AOPEP: variants seen among roughly 807,000 people sequenced by gnomAD.
AOPEP encodes aminopeptidase O (putative).
In AOPEP, 77 loss-of-function variants were observed where a neutral mutation model predicts 98.1. The ratio of observed to expected loss-of-function variants is 0.78; its 90% CI spans 0.65 to 0.95. The LOEUF (loss-of-function observed/expected upper bound fraction) is 0.95. Among genes scored for constraint, AOPEP ranks in the 40% least tolerant of loss-of-function variants. The pLI is 0.00. For missense variants in AOPEP, 1,024 were observed against 1,024.7 expected, an observed-to-expected ratio of 1.00 and a Z score of 0.01; for synonymous variants, 346 against 365.3, an observed-to-expected ratio of 0.95 and a Z score of 0.60.
chr9:95,059,394 T>C (rs1294947944), intron 13 of AOPEP, among the ~76,000 whole-genome samples: 1 of 152,176 alleles, frequency 6.6e-6, no homozygotes, highest in Non-Finnish European at 1.5e-5. Context: ...AGTGGGGGCT[T>C]TCTTAGAACT....
chr9:94,797,222 G>A (rs1360539443), intron 4 of AOPEP, among the ~76,000 whole-genome samples: 1 of 152,044 alleles, frequency 6.6e-6, no homozygotes, highest in Non-Finnish European at 1.5e-5. Flanking sequence ...TCACGAGGTC[G>A]GGAGATCGAG....
At chr9:95,099,463 T>C in the AOPEP span, 4 of 224,572 alleles carry the variant, frequency 1.8e-5, no homozygotes, top group Non-Finnish European at 3.5e-5. Context: ...TCGGATGCCA[T>C]TCCTTCCCGG....
chr9:95,042,543 A>G (rs1437645540), intron 13 of AOPEP, among the ~76,000 whole-genome samples: 2 of 152,152 alleles, frequency 1.3e-5, no homozygotes, highest in African/African-American at 2.4e-5. Context: ...CAGAAGTCCA[A>G]CATCAGCCTT....
intron 5 of AOPEP, among the ~76,000 whole-genome samples, chr9:94,827,617 G>A (rs1275127293): frequency 6.6e-6 from 1 of 152,122 alleles, no homozygotes; most frequent in Non-Finnish European, 1.5e-5. Flanking sequence ...CTGTTTAGAG[G>A]CTCCTACCGC....
At chr9:95,110,335 G>A in the AOPEP span, 3 of 1,017,352 alleles carry the variant, frequency 2.9e-6, no homozygotes, top group East Asian at 6.7e-5. Flanking sequence ...AGCTTATTCA[G>A]AATCAAATAA....
intron 5 of AOPEP, among the ~76,000 whole-genome samples, chr9:94,901,911 A>G (rs1447668206): frequency 2.6e-5 from 4 of 152,254 alleles, no homozygotes; most frequent in Admixed American, 2.6e-4. Context: ...TGTGTCTCAA[A>G]AAAAAAGAAA....
chr9:95,103,797 G>A, the AOPEP span, among the ~76,000 whole-genome samples: 1 of 152,378 alleles, frequency 6.6e-6, no homozygotes, highest in East Asian at 1.9e-4. Flanking sequence ...AGGCCACACA[G>A]GAGGCAGGCT....
chr9:95,009,289 T>G (rs965128438), intron 13 of AOPEP, among the ~76,000 whole-genome samples: 17 of 18,890 alleles, frequency 9.0e-4, no homozygotes, highest in African/African-American at 3.3e-3. Flanking sequence ...TTTATAAATA[T>G]ATACATATAA....
intron 5 of AOPEP, among the ~76,000 whole-genome samples, chr9:94,898,648 GA>G (rs71366269): frequency 0.86 from 115,893 of 134,860 alleles, 50,267 homozygotes; most frequent in Middle Eastern, 0.95. Flanking sequence ...AAAATAAAAT[GA>G]AAAAAAAAAA....
rs916209575 is a variant in AOPEP, at chr9:95,086,658, A to G, written c.*5-24A>G. 4.7e-5 allele frequency: 46 copies of G among 988,240 alleles called. No individual in the cohort carries two copies. The South Asian group carries it at 4.7e-4, about 10-fold the overall frequency. 61.2% of individuals were successfully genotyped at this position (988,240 alleles called of 1,614,324 possible). On this transcript the variant is annotated intron_variant, in intron 16 of 16. Coordinates refer to ENST00000375315, the MANE Select transcript of AOPEP (RefSeq NM_001193329.3). The stretch of plus-strand genomic sequence containing the variant: ...ATTCCTCCCGGTGACTGGGTAATCA[A>G]TGTTACTGCTGTTTCCTTTGCAGGA...
chr9:95,038,100 G>T (rs1442434497), intron 13 of AOPEP, among the ~76,000 whole-genome samples: 2 of 152,206 alleles, frequency 1.3e-5, no homozygotes, highest in Non-Finnish European at 2.9e-5. Context: ...AAAGTTATAT[G>T]TACTGTCCTG....
chr9:94,873,260 G>T (rs2046553752), intron 5 of AOPEP, among the ~76,000 whole-genome samples: 1 of 152,220 alleles, frequency 6.6e-6, no homozygotes, highest in Admixed American at 6.5e-5. Flanking sequence ...AAATTTAGGA[G>T]AAACCTCCCA....
chr9:94,970,173 G>A (rs1182541378), intron 10 of AOPEP, among the ~76,000 whole-genome samples: 2 of 152,112 alleles, frequency 1.3e-5, no homozygotes, highest in Non-Finnish European at 2.9e-5. Context: ...TTGTTAGTCA[G>A]GTTTTTCAAT....
intron 5 of AOPEP, among the ~76,000 whole-genome samples, chr9:94,851,124 C>T (rs1320403017): frequency 6.6e-6 from 1 of 152,208 alleles, no homozygotes; most frequent in Non-Finnish European, 1.5e-5. Flanking sequence ...GCCTTTCATT[C>T]TGTGAGAGGA....
In AOPEP at chr9:94,759,795, G is replaced by T. The variant is rs200850983; in HGVS notation, c.12G>T (p.Gln4His). Residue 4 changes from glutamine to histidine, a missense_variant, in exon 2 of 17, where the codon CAG (glutamine) becomes CAT (histidine). By Grantham distance (24) the Gln-to-His change is conservative. Around this residue, in one of 3 missense-constraint regions of AOPEP, gnomAD observed 440 missense variants for 433.8 expected, o/e 1.01. Transcript: ENST00000375315. Reference sequence around the variant, plus strand: ...CAATAAACCACATCATGGACATACAGCTGGACCCTGCCAGAGATGACCTGC... The same window carrying T: ...CAATAAACCACATCATGGACATACATCTGGACCCTGCCAGAGATGACCTGC... MDI[Q>H]LDPARDDLPL... 3.0e-5 allele frequency: 49 copies of T among 1,613,804 alleles called. No individual in the cohort carries two copies. Among genetic ancestry groups the T allele is most frequent in the Non-Finnish European group, 1.7e-6 (2 of 1,179,908 alleles).
chr9:94,916,707 A>T (rs10993395), intron 5 of AOPEP, among the ~76,000 whole-genome samples: 7,506 of 147,194 alleles, frequency 0.051, 254 homozygotes, highest in South Asian at 0.11. Flanking sequence ...AAAAAAAAAA[A>T]AATTAAATAA....
chr9:94,728,030 A>G (rs12352276), intron 1 of AOPEP, among the ~76,000 whole-genome samples: 33,125 of 152,140 alleles, frequency 0.22, 5,075 homozygotes, highest in African/African-American at 0.43. Flanking sequence ...GTCTGAATAT[A>G]ACTTCAAAGC....
chr9:94,994,298 T>C (rs2061084281), intron 11 of AOPEP, among the ~76,000 whole-genome samples: 1 of 152,192 alleles, frequency 6.6e-6, no homozygotes, highest in South Asian at 2.1e-4. Flanking sequence ...TAACTCTCTA[T>C]AGAATTGTAG....
the AOPEP span, among the ~76,000 whole-genome samples, chr9:95,121,650 G>C: frequency 1.3e-5 from 2 of 151,974 alleles, no homozygotes; most frequent in African/African-American, 4.8e-5. Flanking sequence ...ATGCATAACA[G>C]TACTTCCCCA....
Sources: allele counts gnomAD v4.1 joint callset (sites outside exome capture counted in the v4.1 genomes callset), GRCh38; gene constraint gnomAD v4.1.1; regional missense constraint gnomAD v4.1.1; transcripts MANE v1.5; gene names NCBI Gene and HGNC (gene_info 2026-07-23, HGNC 2026-07-21).